CCDC73: variants seen among roughly 807,000 people sequenced by gnomAD.
CCDC73 encodes the protein coiled-coil domain containing 73.
A neutral mutation model predicts 116.5 loss-of-function variants in CCDC73; 95 were observed. The observed-to-expected ratio is 0.82, with a 90% CI of 0.69 to 0.97. The LOEUF (loss-of-function observed/expected upper bound fraction) is 0.97, where lower values mean the gene tolerates loss of function less well. CCDC73 is among the 50% of genes least tolerant of loss of function. The probability of loss-of-function intolerance (pLI) is 0.00; values close to 1 mark genes in which losing one functional copy is unlikely to be tolerated. For synonymous variants in CCDC73, 398 were observed against 401.3 expected (o/e 0.99, Z 0.10); for missense variants, 1,066 against 1,206.8 (o/e 0.88, Z 1.73).
In CCDC73 at chr11:32,675,564, C is replaced by T. The variant is rs1856079013; in HGVS notation, c.645+1G>A. ...GTAGTGTGAAACTGTATCAATCATA[C>T]CTTCTTTAAACTGCATATTTCAGCT... On this transcript the variant is annotated splice_donor_variant, in intron 9 of 17. Coordinates refer to ENST00000335185, the MANE Select transcript of CCDC73 (RefSeq NM_001008391.4). LOFTEE classifies it high-confidence loss of function. 3.2e-6 allele frequency: 5 copies of T among 1,538,932 alleles called. No homozygotes were observed. The highest frequency in any genetic ancestry group is 2.7e-6 in the Non-Finnish European group (3 of 1,127,274).
rs141440326 is a variant in CCDC73 at position 32,611,108 on chromosome 11, C to T, written c.3030+24G>A. 2,204 of 1,611,774 alleles carry T rather than the reference C, an allele frequency of 1.4e-3. 10 individuals carry two copies. Among genetic ancestry groups the T allele is most frequent in the South Asian group, 5.3e-3 (485 of 90,786 alleles). ...TAGAATTAGCTCACTAAGGTCTGCT[C>T]GGCAATATTTTTAATTGACTTACAT... On this transcript the variant is annotated intron_variant, in intron 17 of 17. Coordinates refer to ENST00000335185, the MANE Select transcript of CCDC73 (RefSeq NM_001008391.4).
At chr11:32,660,830 A>G (rs1228616905) in intron 9 of CCDC73, among the ~76,000 whole-genome samples, 1 of 152,188 alleles carries the variant, frequency 6.6e-6, no homozygotes, top group East Asian at 1.9e-4. Context: ...CCGACTCAAA[A>G]AAAGAGAGAG....
At chr11:32,695,030 C>T (rs544825613) in intron 6 of CCDC73, among the ~76,000 whole-genome samples, 3 of 152,134 alleles carry the variant, frequency 2.0e-5, no homozygotes, top group Non-Finnish European at 4.4e-5. Context: ...CAAACAGTAA[C>T]ACAGAAGTGT....
intron 7 of CCDC73, 123 bp from the exon 8 acceptor site, chr11:32,676,144 A>G (rs778390319): frequency 1.0e-5 from 7 of 671,354 alleles, no homozygotes; most frequent in Non-Finnish European, 1.6e-5. Flanking sequence ...AATAAATGTC[A>G]TTTAAAAGTA....
intron 14 of CCDC73, among the ~76,000 whole-genome samples, chr11:32,629,196 G>A (rs911716024): frequency 1.3e-5 from 2 of 152,062 alleles, no homozygotes; most frequent in South Asian, 2.1e-4. Context: ...GCAGTCTAAC[G>A]TGTGTAACTG....
At chr11:32,653,066 G>A (rs1855840006) in intron 12 of CCDC73, 57 bp downstream of exon 12, 4 of 1,039,620 alleles carry the variant, frequency 3.8e-6, no homozygotes, top group Non-Finnish European at 5.8e-6. Context: ...AAGTTAATTA[G>A]TGAAAATATA....
At chr11:32,757,345 ATAT>A (rs1298748303) in intron 2 of CCDC73, among the ~76,000 whole-genome samples, 11 of 152,150 alleles carry the variant, frequency 7.2e-5, no homozygotes. Flanking sequence ...AAATAAACAA[ATAT>A]TATTAAAATC....
chr11:32,748,787 A>G (rs1850262343), intron 2 of CCDC73, among the ~76,000 whole-genome samples: 1 of 152,092 alleles, frequency 6.6e-6, no homozygotes, highest in Non-Finnish European at 1.5e-5. Context: ...GTAAGTCTTT[A>G]TTTCTCCTTC....
At chr11:32,752,071 A>T (rs1362243923) in intron 2 of CCDC73, among the ~76,000 whole-genome samples, 1 of 152,176 alleles carries the variant, frequency 6.6e-6, no homozygotes, top group Non-Finnish European at 1.5e-5. Flanking sequence ...TAATTAAATA[A>T]TCTATTTTGA....
chr11:32,732,265 A>C lies in CCDC73; in HGVS notation c.136-14118T>G, dbSNP rs201836071. Among the ~76,000 whole-genome samples, 13 of 152,344 alleles carry C rather than the reference A, an allele frequency of 8.5e-5. No individual in the cohort carries two copies. The East Asian group carries it at 1.5e-3, about 18-fold the overall frequency. On this transcript the variant is annotated intron_variant, in intron 2 of 17. Transcript: ENST00000335185. ...CAAAACCTCCAAGAAATATGGGACT[A>C]CGTGAAAAGACCAAATTTACGTCTG...
At chr11:32,821,330 T>C in the CCDC73 span, among the ~76,000 whole-genome samples, 1 of 152,174 alleles carries the variant, frequency 6.6e-6, no homozygotes, top group Non-Finnish European at 1.5e-5. Flanking sequence ...ATTAAATGTG[T>C]CCAAAAAAAT....
At chr11:32,644,564 C>G (rs1855760459) in intron 12 of CCDC73, among the ~76,000 whole-genome samples, 1 of 152,158 alleles carries the variant, frequency 6.6e-6, no homozygotes, top group Non-Finnish European at 1.5e-5. Flanking sequence ...CAATGTTGTA[C>G]AACTATCACC....
At chr11:32,719,630 T>C (rs1476625348) in intron 2 of CCDC73, among the ~76,000 whole-genome samples, 1 of 152,184 alleles carries the variant, frequency 6.6e-6, no homozygotes, top group Non-Finnish European at 1.5e-5. Context: ...AAAAAATTAA[T>C]GGAAATTATA....
intron 9 of CCDC73, among the ~76,000 whole-genome samples, chr11:32,664,139 C>G (rs924466040): frequency 6.6e-6 from 1 of 152,086 alleles, no homozygotes; most frequent in African/African-American, 2.4e-5. Context: ...GTCTAAAATT[C>G]TCTTTTTTTA....
intron 14 of CCDC73, among the ~76,000 whole-genome samples, chr11:32,623,080 C>A (rs1032750072): frequency 2.0e-5 from 3 of 152,028 alleles, no homozygotes. Flanking sequence ...GTGATCTCAG[C>A]TCATTGTAAC....
At chr11:32,825,318 T>C in the CCDC73 span, among the ~76,000 whole-genome samples, 30 of 149,202 alleles carry the variant, frequency 2.0e-4, no homozygotes, top group Non-Finnish European at 3.6e-4. Flanking sequence ...TTTTTTTTTT[T>C]TTAGATTGAG....
Position 32,755,925 on chromosome 11 carries a change from A to C in CCDC73, c.135+4184T>G, listed in dbSNP as rs1272274916. 6.5e-4 allele frequency among the ~76,000 whole-genome samples: 27 copies of C among 41,538 alleles called. 2 individuals are homozygous for C. The highest frequency in any genetic ancestry group is 1.8e-3 in the East Asian group (1 of 558). The allele number at this position is 41,538 out of a possible 152,430, so 27.3% of individuals were successfully genotyped here. ...TATCTATATATATCTCCATATATATATCTATATATATATCTCCATATATAT... is the reference window on the plus strand; with the variant it reads ...TATCTATATATATCTCCATATATATCTCTATATATATATCTCCATATATAT... On this transcript the variant is annotated intron_variant, in intron 2 of 17. Transcript: ENST00000335185.
intron 9 of CCDC73, among the ~76,000 whole-genome samples, chr11:32,670,113 G>T (rs1047739559): frequency 3.9e-5 from 6 of 152,178 alleles, no homozygotes; most frequent in Non-Finnish European, 8.8e-5. Context: ...TATGCACTAA[G>T]ATAAGTTTCA....
At chr11:32,765,103 G>A (rs999644302) in intron 1 of CCDC73, among the ~76,000 whole-genome samples, 4 of 152,174 alleles carry the variant, frequency 2.6e-5, no homozygotes, top group Non-Finnish European at 5.9e-5. Flanking sequence ...GGATCACCCA[G>A]ATTCATAAAG....
Sources: allele counts gnomAD v4.1 joint callset (sites outside exome capture counted in the v4.1 genomes callset), GRCh38; gene constraint gnomAD v4.1.1; transcripts MANE v1.5; gene names NCBI Gene and HGNC (gene_info 2026-07-23, HGNC 2026-07-21).